TDRD1: variants seen among roughly 807,000 people sequenced by gnomAD.
The protein encoded by TDRD1 is tudor domain-containing protein 1.
A neutral mutation model predicts 140.6 loss-of-function variants in TDRD1; 37 were observed. The observed-to-expected ratio is 0.26, with a 90% CI of 0.20 to 0.35. The LOEUF is 0.35. TDRD1 is among the 10% of genes least tolerant of loss of function. The pLI, the probability that TDRD1 is intolerant of heterozygous loss-of-function variation, is 1.00. For synonymous variants in TDRD1, 506 were observed against 475.7 expected (o/e 1.06, Z -0.83); for missense variants, 1,243 against 1,393.0 (o/e 0.89, Z 1.71).
At position 114,220,584 on chromosome 10, in the gene TDRD1, CAA is replaced by C; in HGVS notation, c.2513_2514del (p.Lys838ThrfsTer4). 6.2e-7 allele frequency: 1 copy of C among 1,612,590 alleles called. No individual in the cohort carries two copies. Among genetic ancestry groups the C allele is most frequent in the Non-Finnish European group, 8.5e-7 (1 of 1,178,708 alleles). Reference sequence around the variant, plus strand: ...ATTTTCTAGATATACAGTCTAGAAACAAACATTGGTCTGAAGAAGCCATAACA... The same window carrying C: ...ATTTTCTAGATATACAGTCTAGAAACACATTGGTCTGAAGAAGCCATAACA... On this transcript the variant is annotated frameshift_variant, in exon 19 of 26. Coordinates refer to ENST00000251864, the Ensembl canonical transcript of TDRD1. LOFTEE classifies it high-confidence loss of function.
chr10:114,206,963 T>C (rs963880339), intron 11 of TDRD1, among the ~76,000 whole-genome samples: 6 of 152,190 alleles, frequency 3.9e-5, no homozygotes, highest in Middle Eastern at 3.2e-3. Flanking sequence ...TTTTCTTCCT[T>C]CTTGGGTATT....
exon 8 of TDRD1, chr10:114,203,399 C>T (rs755206560): frequency 2.7e-5 from 43 of 1,595,240 alleles, no homozygotes; most frequent in South Asian, 2.4e-4. Context: ...GTACGGTTAC[C>T]GAATTCAAAC....
chr10:114,186,504 TC>T (rs36081399), intron 1 of TDRD1, among the ~76,000 whole-genome samples: 39,204 of 152,068 alleles, frequency 0.26, 5,363 homozygotes, highest in African/African-American at 0.33. Flanking sequence ...GACCTCGTGA[TC>T]CCGCCTGCCT....
chr10:114,200,968 T>G (rs2132948033), intron 4 of TDRD1, among the ~76,000 whole-genome samples: 1 of 150,846 alleles, frequency 6.6e-6, no homozygotes. Flanking sequence ...ATTCTCCTGC[T>G]TCAGCCTCCT....
chr10:114,203,612 T>C (rs771773004), intron 8 of TDRD1, 45 bp downstream of exon 8: 4 of 1,539,896 alleles, frequency 2.6e-6, no homozygotes, highest in Non-Finnish European at 8.8e-7. Context: ...TGAGCTAACT[T>C]TGGTCGTATG....
chr10:114,184,535 A>G (rs2033365272), intron 1 of TDRD1, among the ~76,000 whole-genome samples: 1 of 152,238 alleles, frequency 6.6e-6, no homozygotes, highest in Admixed American at 6.5e-5. Flanking sequence ...GTTCTTCAGG[A>G]TAGGGAAGAG....
At chr10:114,196,833 CTTTTTTTTTTTTTTTTTTTT>C (rs36124319) in intron 3 of TDRD1, among the ~76,000 whole-genome samples, 1 of 48,326 alleles carries the variant, frequency 2.1e-5, no homozygotes, top group African/African-American at 9.4e-5. Context: ...TTCTAGCAGT[CTTTTTTTTTTTTTTTTTTTT>C]TTTTTTTTTT....
chr10:114,188,297 T>C, intron 2 of TDRD1, 141 bp downstream of exon 2: 1 of 759,936 alleles, frequency 1.3e-6, no homozygotes, highest in Non-Finnish European at 2.0e-6. Flanking sequence ...TCATTATTAA[T>C]TTAGAAGGAA....
intron 18 of TDRD1, among the ~76,000 whole-genome samples, chr10:114,220,110 C>T (rs151318159): frequency 2.0e-5 from 3 of 152,192 alleles, no homozygotes; most frequent in East Asian, 1.9e-4. Context: ...GTTTGAAAAT[C>T]GCTGCTAAGA....
intron 3 of TDRD1, among the ~76,000 whole-genome samples, chr10:114,193,944 A>T (rs774029167): frequency 2.6e-5 from 4 of 152,168 alleles, no homozygotes; most frequent in African/African-American, 4.8e-5. Flanking sequence ...CTTTTTCTGC[A>T]TTGATTGATA....
At chr10:114,203,630 C>T in intron 8 of TDRD1, 63 bp downstream of exon 8, 1 of 1,419,922 alleles carries the variant, frequency 7.0e-7, no homozygotes, top group South Asian at 1.4e-5. Context: ...ATGAACTGAA[C>T]ACCAGAGCTT....
At chr10:114,231,709 G>A (rs1038889463) in exon 26 of TDRD1, 13 of 514,814 alleles carry the variant, frequency 2.5e-5, no homozygotes, top group African/African-American at 2.0e-5. Flanking sequence ...TAAATATTAC[G>A]TAAAAAATTC....
At chr10:114,209,293 C>A (rs1398303345) in intron 11 of TDRD1, among the ~76,000 whole-genome samples, 1 of 152,190 alleles carries the variant, frequency 6.6e-6, no homozygotes, top group Admixed American at 6.5e-5. Context: ...CTATCCAGAT[C>A]TCCCACTCCA....
At chr10:114,229,223 T>C (rs1033929643) in intron 25 of TDRD1, among the ~76,000 whole-genome samples, 2 of 152,256 alleles carry the variant, frequency 1.3e-5, no homozygotes, top group Non-Finnish European at 2.9e-5. Flanking sequence ...TTTTGTTGGT[T>C]AACAAATTTA....
At chr10:114,175,746 C>T (rs2032680752), upstream of TDRD1, among the ~76,000 whole-genome samples, 1 of 152,040 alleles carries the variant, frequency 6.6e-6, no homozygotes, top group African/African-American at 2.4e-5. Flanking sequence ...TCAAAGATGC[C>T]CCAACTTCTC....
At chr10:114,206,076 T>C (rs2035078920) in intron 10 of TDRD1, among the ~76,000 whole-genome samples, 168 bp from the exon 11 acceptor site, 1 of 152,252 alleles carries the variant, frequency 6.6e-6, no homozygotes, top group African/African-American at 2.4e-5. Flanking sequence ...TGTTTTAAGC[T>C]GGGCACTACC....
chr10:114,213,571 A>T, exon 15 of TDRD1: 1 of 1,613,796 alleles, frequency 6.2e-7, no homozygotes, highest in Non-Finnish European at 8.5e-7. Flanking sequence ...AAACCCAGTG[A>T]CGTGAAAGAA....
chr10:114,225,850 C>T (rs112033854), intron 21 of TDRD1, among the ~76,000 whole-genome samples, 199 bp from the exon 22 acceptor site: 1,630 of 146,306 alleles, frequency 0.011, 21 homozygotes, highest in African/African-American at 0.04. Context: ...GAGCCAGACC[C>T]TGTCTCAAAA....
exon 2 of TDRD1, chr10:114,188,013 G>A: frequency 6.2e-7 from 1 of 1,614,148 alleles, no homozygotes. Context: ...TCAGAGAATG[G>A]AAATAAAAAG....
Sources: allele counts gnomAD v4.1 joint callset (sites outside exome capture counted in the v4.1 genomes callset), GRCh38; gene constraint gnomAD v4.1.1; transcripts MANE v1.5; gene names NCBI Gene and HGNC (gene_info 2026-07-23, HGNC 2026-07-21).